Variants in FOXN3 observed in about 807,000 individuals in gnomAD.
FOXN3 encodes the protein forkhead box N3.
In FOXN3, 7 loss-of-function variants were observed where a neutral mutation model predicts 38.4. That is an observed-to-expected ratio of 0.18 (90% CI 0.10 to 0.34). The LOEUF (loss-of-function observed/expected upper bound fraction) is 0.34. Among genes scored for constraint, FOXN3 ranks in the 10% least tolerant of loss-of-function variants. The pLI is 1.00. For synonymous variants in FOXN3, 230 were observed against 242.2 expected (o/e 0.95, Z 0.47); for missense variants, 456 against 613.4 (o/e 0.74, Z 2.71).
At chr14:89,232,394 T>G (rs533083173) in intron 4 of FOXN3, among the ~76,000 whole-genome samples, 15 of 152,210 alleles carry the variant, frequency 9.9e-5, no homozygotes, top group Non-Finnish European at 1.9e-4. Context: ...CCTCGGCTAT[T>G]ACAGGAGACT....
intron 1 of FOXN3, among the ~76,000 whole-genome samples, chr14:89,562,135 T>C (rs1175942366): frequency 6.6e-6 from 1 of 152,178 alleles, no homozygotes; most frequent in Non-Finnish European, 1.5e-5. Flanking sequence ...CAGTACACAG[T>C]TGGCAAATTT....
chr14:89,329,844 A>G (rs763112881), intron 3 of FOXN3, among the ~76,000 whole-genome samples: 34 of 123,072 alleles, frequency 2.8e-4, no homozygotes, highest in Non-Finnish European at 5.2e-4. Context: ...CGACAGAGCG[A>G]GACTCAGTCT....
At chr14:89,401,135 T>C (rs1468907178) in intron 2 of FOXN3, among the ~76,000 whole-genome samples, 1 of 152,042 alleles carries the variant, frequency 6.6e-6, no homozygotes, top group African/African-American at 2.4e-5. Context: ...AAATACAGAG[T>C]CCAATTTTTA....
At chr14:89,417,431 C>T (rs1891778399), upstream of FOXN3, 1 of 147,964 alleles carries the variant, frequency 6.8e-6, no homozygotes, top group Non-Finnish European at 1.5e-5. Flanking sequence ...GAGGCCGGGG[C>T]TGGGCCGCGC....
chr14:89,211,838 T>C (rs996669591), intron 4 of FOXN3, among the ~76,000 whole-genome samples: 1 of 152,246 alleles, frequency 6.6e-6, no homozygotes, highest in Non-Finnish European at 1.5e-5. Flanking sequence ...AGATGTGTTC[T>C]GCTAGGGACT....
At chr14:89,423,108 C>T (rs561429035) in intron 1 of FOXN3, among the ~76,000 whole-genome samples, 1 of 152,282 alleles carries the variant, frequency 6.6e-6, no homozygotes, top group South Asian at 2.1e-4. Context: ...AAACAGAAGA[C>T]ACGGCACCTG....
intron 1 of FOXN3, among the ~76,000 whole-genome samples, chr14:89,514,119 A>G (rs551704783): frequency 6.6e-6 from 1 of 152,304 alleles, no homozygotes; most frequent in South Asian, 2.1e-4. Context: ...ATAAGGGGAC[A>G]AGCCAGAGCA....
At chr14:89,409,354 G>C (rs868535908) in intron 2 of FOXN3, 2 of 147,460 alleles carry the variant, frequency 1.4e-5, no homozygotes, top group African/African-American at 5.0e-5. Flanking sequence ...GTGGGGGACG[G>C]GGGGGTCGCA....
At chr14:89,391,670 G>A (rs1479012145) in intron 2 of FOXN3, among the ~76,000 whole-genome samples, 2 of 152,114 alleles carry the variant, frequency 1.3e-5, no homozygotes, top group Admixed American at 6.6e-5. Context: ...TGGTTGGTTG[G>A]TGCCACCGTG....
chr14:89,551,118 G>A (rs1209121974), intron 1 of FOXN3, among the ~76,000 whole-genome samples: 2 of 152,182 alleles, frequency 1.3e-5, no homozygotes, highest in Non-Finnish European at 2.9e-5. Flanking sequence ...AGAGGTTTAA[G>A]CTTTAAGACT....
intron 1 of FOXN3, among the ~76,000 whole-genome samples, chr14:89,599,406 G>A (rs1896115678): frequency 6.6e-6 from 1 of 152,000 alleles, no homozygotes; most frequent in Admixed American, 6.5e-5. Flanking sequence ...GTTCCAGAAG[G>A]TCCATTTGGT....
At chr14:89,174,427 G>A (rs1479327424) in intron 5 of FOXN3, among the ~76,000 whole-genome samples, 2 of 152,164 alleles carry the variant, frequency 1.3e-5, no homozygotes, top group Non-Finnish European at 2.9e-5. Flanking sequence ...GCTGCAAACT[G>A]CTCCCCTAAA....
intron 1 of FOXN3, among the ~76,000 whole-genome samples, chr14:89,575,006 G>A (rs1199306884): frequency 6.6e-6 from 1 of 152,196 alleles, no homozygotes; most frequent in Non-Finnish European, 1.5e-5. Context: ...AAGGCCAGCG[G>A]GAAGCTGAAG....
intron 1 of FOXN3, among the ~76,000 whole-genome samples, chr14:89,506,974 C>A (rs997227083): frequency 6.6e-6 from 1 of 152,084 alleles, no homozygotes; most frequent in Non-Finnish European, 1.5e-5. Context: ...AAGTACCCAG[C>A]GACACAAACA....
intron 4 of FOXN3, among the ~76,000 whole-genome samples, chr14:89,182,075 G>T (rs57810253): frequency 1.3e-5 from 2 of 152,096 alleles, no homozygotes; most frequent in Non-Finnish European, 2.9e-5. Context: ...AACAAAGACC[G>T]TTGAAAAGGC....
At chr14:89,586,597 G>C (rs1895847068) in intron 1 of FOXN3, among the ~76,000 whole-genome samples, 1 of 152,174 alleles carries the variant, frequency 6.6e-6, no homozygotes, top group African/African-American at 2.4e-5. Flanking sequence ...TTGATGAAAA[G>C]GTATGCTGTT....
intron 3 of FOXN3, among the ~76,000 whole-genome samples, chr14:89,333,966 G>GTGTA (rs1490383212): frequency 1.4e-4 from 18 of 131,558 alleles, no homozygotes; most frequent in African/African-American, 5.0e-4. Flanking sequence ...AATGTGGTGT[G>GTGTA]TATATATATA....
At chr14:89,612,562 G>T (rs949282468) in intron 1 of FOXN3, among the ~76,000 whole-genome samples, 1 of 152,056 alleles carries the variant, frequency 6.6e-6, no homozygotes, top group East Asian at 1.9e-4. Context: ...TTGGGAGGCT[G>T]AGGTAGGAGG....
At chr14:89,517,616 A>G (rs1285851502) in intron 1 of FOXN3, among the ~76,000 whole-genome samples, 5 of 152,196 alleles carry the variant, frequency 3.3e-5, no homozygotes, top group Non-Finnish European at 7.3e-5. Flanking sequence ...CCATGATCCA[A>G]TCACCTCACA....
Sources: gnomAD v4.1 joint callset for allele counts (sites outside exome capture counted in the v4.1 genomes callset) on GRCh38, gnomAD v4.1.1 for gene constraint, MANE v1.5 for transcripts, NCBI Gene and HGNC (gene_info 2026-07-23, HGNC 2026-07-21) for gene names.